Variants in MKKS observed in about 807,000 individuals in gnomAD.
MKKS encodes MKKS centrosomal shuttling protein, also known as molecular chaperone MKKS.
Under a neutral mutation model 33.2 loss-of-function variants are expected in MKKS, and 29 were observed. The ratio of observed to expected loss-of-function variants is 0.87; its 90% CI spans 0.65 to 1.19. The LOEUF is 1.19. Among genes scored for constraint, MKKS ranks in the 50% most tolerant of loss-of-function variants. The pLI is 0.00. For missense variants in MKKS, 661 were observed against 662.3 expected, an observed-to-expected ratio of 1.00 and a Z score of 0.02; for synonymous variants, 260 against 244.0, an observed-to-expected ratio of 1.07 and a Z score of -0.61.
intron 1 of MKKS, among the ~76,000 whole-genome samples, chr20:10,428,354 A>G (rs987103473): frequency 6.6e-6 from 1 of 152,216 alleles, no homozygotes; most frequent in African/African-American, 2.4e-5. Flanking sequence ...GTGCTACAGC[A>G]AACACTTTAT....
At position 10,413,553 on chromosome 20, in the gene MKKS, T is replaced by G. The variant is rs886056499; in HGVS notation, c.-39A>C. The stretch of plus-strand genomic sequence containing the variant: ...GTAACTAGTGAAGACCGTTTTTATT[T>G]TGTAAACCACATTTTTCTATTTATT... On this transcript the variant is annotated 5_prime_UTR_variant, in exon 3 of 6. Transcript: ENST00000347364. 3.1e-6 allele frequency: 5 copies of G among 1,608,298 alleles called. No individual in the cohort carries two copies. Among genetic ancestry groups the G allele is most frequent in the Non-Finnish European group, 4.3e-6 (5 of 1,175,310 alleles).
At chr20:10,408,336 T>G (rs540499958) in intron 4 of MKKS, among the ~76,000 whole-genome samples, 1 of 152,322 alleles carries the variant, frequency 6.6e-6, no homozygotes, top group South Asian at 2.1e-4. Flanking sequence ...GAATTATTCA[T>G]ACACATTACC....
At position 10,405,241 on chromosome 20, in the gene MKKS, A is replaced by G. The variant is rs1414521028; in HGVS notation, c.*6T>C. 2 of 1,601,914 alleles carry G rather than the reference A, an allele frequency of 1.2e-6. No homozygotes were observed. The highest frequency in any genetic ancestry group is 1.7e-6 in the Non-Finnish European group (2 of 1,172,018). ...GTTTCTCTTGTAATACGAACATGCT[A>G]TTCTCTTAGTTTTTATCTTCAATAA... On this transcript the variant is annotated 3_prime_UTR_variant, in exon 6 of 6. Transcript: ENST00000347364.
intron 1 of MKKS, among the ~76,000 whole-genome samples, chr20:10,431,094 G>T (rs2065050868): frequency 6.6e-6 from 1 of 152,180 alleles, no homozygotes; most frequent in Non-Finnish European, 1.5e-5. Context: ...TGCCTAGCAT[G>T]TGGGAAGTGC....
chr20:10,405,473 T>C lies in MKKS; in HGVS notation c.1487A>G (p.Gln496Arg). 7.4e-6 allele frequency: 12 copies of C among 1,614,176 alleles called. No individual in the cohort carries two copies. The highest frequency in any genetic ancestry group is 1.0e-5 in the Non-Finnish European group (12 of 1,180,022). ...CVANWPDLLS[Q>R]CGCGLYNSQE... Reference sequence around the variant, plus strand: ...GCTATTGTATAATCCACAGCCACACTGTGAAAGCAAATCTGGCCAGTTAGC... The same window carrying C: ...GCTATTGTATAATCCACAGCCACACCGTGAAAGCAAATCTGGCCAGTTAGC... The change falls in exon 6 of 6, where the codon CAG becomes CGG. Residue 496 changes from glutamine (Q) to arginine (R), a missense_variant. Physicochemically the swap from Gln to Arg is conservative, Grantham distance 43 (BLOSUM62 1). Coordinates refer to ENST00000347364, the MANE Select transcript of MKKS (RefSeq NM_170784.3).
intron 2 of MKKS, among the ~76,000 whole-genome samples, chr20:10,417,894 G>A (rs956415852): frequency 6.6e-6 from 1 of 152,172 alleles, no homozygotes; most frequent in Non-Finnish European, 1.5e-5. Context: ...GAAGCAATCA[G>A]CCAAACTGAG....
At chr20:10,409,210 A>G (rs2064863351) in intron 3 of MKKS, among the ~76,000 whole-genome samples, 1 of 152,124 alleles carries the variant, frequency 6.6e-6, no homozygotes, top group Non-Finnish European at 1.5e-5. Flanking sequence ...TTTTTTTTAA[A>G]GGCATTATTA....
chr20:10,413,869 T>A lies in MKKS; in HGVS notation c.-355A>T. 1 of 434,034 alleles carries A rather than the reference T, an allele frequency of 2.3e-6. No homozygotes were observed. 26.9% of individuals were successfully genotyped at this position (434,034 alleles called of 1,614,324 possible). A position where few individuals can be genotyped will look rare whatever the true frequency, so the allele number is the denominator to read the frequency against. ...GCTACAAGAAGCCAGTTCTTTCTAA[T>A]CCAACTGGTATTTTTCATCTCTTCT... On this transcript the variant is annotated 5_prime_UTR_variant, in exon 3 of 6. Transcript: ENST00000347364.
At chr20:10,428,705 T>A (rs2065033182) in intron 1 of MKKS, among the ~76,000 whole-genome samples, 1 of 152,104 alleles carries the variant, frequency 6.6e-6, no homozygotes, top group Admixed American at 6.5e-5. Flanking sequence ...CTGGATGTGG[T>A]GGGTGCACCT....
At chr20:10,415,665 T>A (rs535151977) in intron 2 of MKKS, among the ~76,000 whole-genome samples, 30 of 152,248 alleles carry the variant, frequency 2.0e-4, no homozygotes, top group Non-Finnish European at 3.4e-4. Flanking sequence ...GTGACTTCTA[T>A]ATGTTAATTT....
At chr20:10,424,683 A>G (rs2065003488) in intron 1 of MKKS, among the ~76,000 whole-genome samples, 1 of 152,218 alleles carries the variant, frequency 6.6e-6, no homozygotes, top group African/African-American at 2.4e-5. Flanking sequence ...TTTTACTTAC[A>G]ATCAAACATA....
Position 10,407,662 on chromosome 20 carries a change from C to A in MKKS, c.1226G>T (p.Gly409Val), listed in dbSNP as rs2064852512. 6.2e-7 allele frequency: 1 copy of A among 1,613,874 alleles called. No homozygotes were observed. The highest frequency in any genetic ancestry group is 1.7e-5 in the Admixed American group (1 of 60,008). Residue 409 changes from glycine (G) to valine (V), a missense_variant, in exon 5 of 6, where the codon GGA (glycine) becomes GTA (valine). By Grantham distance (109) the Gly-to-Val change is moderately radical (BLOSUM62 -3). Transcript: ENST00000347364. ...CAAATGAGTTTCAGTACAGCCACCT[C>A]CCAACAAAGCCCATGGTTCCTTGAG... Reference protein sequence around the residue: ...LTLKEPWALLGGGCTETHLAA... With the variant: ...LTLKEPWALLVGGCTETHLAA...
In MKKS at chr20:10,412,968, A is replaced by G. The variant is rs1380420932; in HGVS notation, c.547T>C (p.Leu183=). ...TCAGCATTTTCTGGAATTGTAAGCA[A>G]AAAGGCTCTCAGGATCAAAGCACTG... The part of the protein sequence containing the change: ...HVSALILRAF[L]LTIPENAEGH... Residue 183 remains leucine (L), a synonymous_variant, in exon 3 of 6, where the codon TTG becomes CTG. Coordinates refer to ENST00000347364, the MANE Select transcript of MKKS (RefSeq NM_170784.3). The G allele has an allele frequency of 5.0e-6, 8 of 1,613,876 alleles. No homozygotes were observed. Among genetic ancestry groups the G allele is most frequent in the Admixed American group, 3.3e-5 (2 of 59,996 alleles).
Position 10,401,707 on chromosome 20 carries a change from T to C in MKKS, c.*3540A>G, listed in dbSNP as rs562796950. ...AATACATAGTACAATGGCTGATTTA[T>C]GGTTACTTCAAATTTCTTGTCTACA... is the stretch of plus-strand genomic sequence containing the variant. On this transcript the variant is annotated 3_prime_UTR_variant, in exon 6 of 6. Transcript: ENST00000347364. The C allele has an allele frequency of 6.6e-6, 1 of 152,362 alleles. No individual in the cohort carries two copies. Among genetic ancestry groups the C allele is most frequent in the African/African-American group, 2.4e-5 (1 of 41,604 alleles). The allele number at this position is 152,362 out of a possible 1,614,324, so 9.4% of individuals were successfully genotyped here. A position where few individuals can be genotyped will look rare whatever the true frequency, so the allele number is the denominator to read the frequency against.
intron 3 of MKKS, among the ~76,000 whole-genome samples, chr20:10,409,977 C>CAAAAAAAAAAAA (rs58776463): frequency 1.8e-5 from 1 of 54,234 alleles, no homozygotes; most frequent in African/African-American, 8.1e-5. Context: ...GACTTTGTCT[C>CAAAAAAAAAAAA]AAAAAAAAAA....
At position 10,409,900 on chromosome 20, in the gene MKKS, G is replaced by A. The variant is rs912476316; in HGVS notation, c.986-1097C>T. 4.1e-5 allele frequency among the ~76,000 whole-genome samples: 6 copies of A among 147,002 alleles called. No individual in the cohort carries two copies. The Admixed American group carries it at 4.2e-4, about 10-fold the overall frequency. The stretch of plus-strand genomic sequence containing the variant: ...GCAGGAGAATCGCTTGAACCTGGGG[G>A]GCAGAGGTTGCAGTGAGCAGTGAGC... On this transcript the variant is annotated intron_variant, in intron 3 of 5. Transcript: ENST00000347364.
At chr20:10,423,282 G>A (rs1360735698) in intron 1 of MKKS, among the ~76,000 whole-genome samples, 1 of 152,142 alleles carries the variant, frequency 6.6e-6, no homozygotes, top group Non-Finnish European at 1.5e-5. Flanking sequence ...AGCTGGGCAT[G>A]GTGGCGCACG....
Position 10,412,985 on chromosome 20 carries a change from A to T in MKKS, c.530T>A (p.Leu177Ter), listed in dbSNP as rs1321931651. The T allele has an allele frequency of 6.2e-7, 1 of 1,614,100 alleles. No individual in the cohort carries two copies. Among genetic ancestry groups the T allele is most frequent in the Non-Finnish European group, 8.5e-7 (1 of 1,180,034 alleles). Residue 177 changes from leucine to a stop codon, truncating the protein, a stop_gained, in exon 3 of 6, where the codon TTG (leucine) becomes TAG (stop). Transcript: ENST00000347364. LOFTEE classifies it high-confidence loss of function. Reference protein sequence around the residue: ...TRKETEHVSALILRAFLLTIP... With the variant: ...TRKETEHVSA ...TGTAAGCAAAAAGGCTCTCAGGATC[A>T]AAGCACTGACATGCTCTGTTTCCTT...
rs200633158 is a variant in MKKS at position 10,408,804 on chromosome 20, C to T, written c.986-1G>A. On this transcript the variant is annotated splice_acceptor_variant, in intron 3 of 5. Coordinates refer to ENST00000347364, the MANE Select transcript of MKKS (RefSeq NM_170784.3). LOFTEE classifies it high-confidence loss of function. ...CCTAGGGATCCAATAGGCTGTGTTC[C>T]TATTTTTTAAAGATTAGAAAATACA... The T allele has an allele frequency of 2.5e-6, 4 of 1,609,330 alleles. No homozygotes were observed. The East Asian group carries it at 8.9e-5, about 36-fold the overall frequency.
Sources: gnomAD v4.1 joint callset for allele counts (sites outside exome capture counted in the v4.1 genomes callset) on GRCh38, gnomAD v4.1.1 for gene constraint, MANE v1.5 for transcripts, NCBI Gene and HGNC (gene_info 2026-07-23, HGNC 2026-07-21) for gene names.